Variants in EIF4ENIF1 observed in about 807,000 individuals in gnomAD.
EIF4ENIF1 encodes eukaryotic translation initiation factor 4E transporter.
A neutral mutation model predicts 110.5 loss-of-function variants in EIF4ENIF1; 23 were observed. That is an observed-to-expected ratio of 0.21 (90% CI 0.15 to 0.29). The LOEUF (loss-of-function observed/expected upper bound fraction) is 0.29. EIF4ENIF1 is among the 10% of genes least tolerant of loss of function. The pLI is 1.00. For missense variants in EIF4ENIF1, 1,031 were observed against 1,221.1 expected (o/e 0.84, Z 2.32); for synonymous variants, 440 against 437.0 (o/e 1.01, Z -0.09).
intron 3 of EIF4ENIF1, among the ~76,000 whole-genome samples, chr22:31,470,920 G>A (rs1448665058): frequency 1.3e-5 from 2 of 151,236 alleles, no homozygotes; most frequent in African/African-American, 4.9e-5. Flanking sequence ...GCTGAGGCAG[G>A]AGAATCGCTT....
chr22:31,467,473 T>A (rs1478697024), intron 4 of EIF4ENIF1, among the ~76,000 whole-genome samples: 1 of 152,210 alleles, frequency 6.6e-6, no homozygotes, highest in African/African-American at 2.4e-5. Flanking sequence ...AGACTTAACT[T>A]CAGTCTCAAA....
intron 10 of EIF4ENIF1, 119 bp downstream of exon 10, chr22:31,454,025 A>G: frequency 1.2e-6 from 1 of 847,588 alleles, no homozygotes; most frequent in Middle Eastern, 2.4e-4. Context: ...CAAGGACCAA[A>G]TGACTACTAA....
intron 11 of EIF4ENIF1, 142 bp from the exon 12 acceptor site, chr22:31,449,673 C>T: frequency 1.6e-6 from 1 of 641,230 alleles, no homozygotes; most frequent in Non-Finnish European, 2.6e-6. Flanking sequence ...ACATGCAACA[C>T]ATTTATCTGA....
chr22:31,453,542 TTTTTA>T (rs555432176), intron 10 of EIF4ENIF1: 20 of 201,890 alleles, frequency 9.9e-5, no homozygotes, highest in Admixed American at 2.2e-4. Flanking sequence ...GCCTGGCTAA[TTTTTA>T]TTTTTAGTAG....
chr22:31,440,203 G>T, intron 18 of EIF4ENIF1, 82 bp from the exon 19 acceptor site: 1 of 1,598,520 alleles, frequency 6.3e-7, no homozygotes, highest in Non-Finnish European at 8.5e-7. Flanking sequence ...CCTATCCAAA[G>T]AAAAGTCTTT....
At chr22:31,475,358 A>G (rs2051532788) in intron 2 of EIF4ENIF1, among the ~76,000 whole-genome samples, 1 of 152,200 alleles carries the variant, frequency 6.6e-6, no homozygotes. Flanking sequence ...TACTCCCAGA[A>G]CTTTGGGAGG....
chr22:31,438,814 C>T (rs1289435457), downstream of EIF4ENIF1, among the ~76,000 whole-genome samples: 3 of 152,062 alleles, frequency 2.0e-5, no homozygotes, highest in Non-Finnish European at 4.4e-5. Flanking sequence ...CCTCTGCCTC[C>T]CAGGTTCAGG....
At chr22:31,472,073 G>A (rs1282690142) in intron 2 of EIF4ENIF1, among the ~76,000 whole-genome samples, 156 bp from the exon 3 acceptor site, 5 of 152,130 alleles carry the variant, frequency 3.3e-5, no homozygotes, top group Admixed American at 3.3e-4. Context: ...AGTACATTGA[G>A]GTTCTCACAA....
At chr22:31,456,364 C>T (rs939842953) in intron 7 of EIF4ENIF1, among the ~76,000 whole-genome samples, 5 of 151,810 alleles carry the variant, frequency 3.3e-5, no homozygotes, top group African/African-American at 1.2e-4. Flanking sequence ...GCTGGGACTA[C>T]AGGCGCCTGC....
chr22:31,447,427 T>A lies in EIF4ENIF1; in HGVS notation c.1987A>T (p.Arg663Trp). ...ACATGAGCAGGATTAGTAATTTACC[T>A]GTTTCTGAATCCATCTCTGGTTCTG... The part of the protein sequence containing the change: ...VDRTRDGFRN[R>W]QQRVTKSPAP... Residue 663 changes from arginine (R) to tryptophan (W), a missense_variant and splice_region_variant, in exon 14 of 19, where the codon AGG becomes TGG. Arg to Trp is a moderately radical substitution (Grantham distance 101). Coordinates refer to ENST00000330125, the MANE Select transcript of EIF4ENIF1 (RefSeq NM_019843.4). 6.2e-7 allele frequency: 1 copy of A among 1,609,106 alleles called. No individual in the cohort carries two copies. Among genetic ancestry groups the A allele is most frequent in the Non-Finnish European group, 8.5e-7 (1 of 1,179,016 alleles).
intron 2 of EIF4ENIF1, among the ~76,000 whole-genome samples, chr22:31,481,018 G>A (rs749261446): frequency 4.6e-5 from 7 of 152,160 alleles, no homozygotes; most frequent in Non-Finnish European, 7.3e-5. Flanking sequence ...AGCCAAGATC[G>A]TGCAAGACTC....
Position 31,449,513 on chromosome 22 carries a change from C to A in EIF4ENIF1, c.1603G>T (p.Val535Phe). The A allele has an allele frequency of 1.9e-6, 3 of 1,613,180 alleles. No homozygotes were observed. Among genetic ancestry groups the A allele is most frequent in the Non-Finnish European group, 1.7e-6 (2 of 1,179,752 alleles). Residue 535 changes from valine (V) to phenylalanine (F), a missense_variant, in exon 12 of 19, where the codon GTT becomes TTT. Around this residue, in one of 3 missense-constraint regions of EIF4ENIF1, gnomAD observed 704 missense variants for 879.7 expected, o/e 0.80. Coordinates refer to ENST00000330125, the MANE Select transcript of EIF4ENIF1 (RefSeq NM_019843.4). Reference protein sequence around the residue: ...NILQELLGQPVQRPASSNLLS... With the variant: ...NILQELLGQPFQRPASSNLLS... ...AGATTGGAAGAAGCAGGTCTCTGAA[C>A]TGGTTGACCCAGAAGTTCCTAAAGG...
intron 10 of EIF4ENIF1, among the ~76,000 whole-genome samples, chr22:31,453,895 C>A (rs2050745518): frequency 6.6e-6 from 1 of 152,026 alleles, no homozygotes; most frequent in Non-Finnish European, 1.5e-5. Flanking sequence ...ACAGGCATTA[C>A]CATTAAGACT....
intron 2 of EIF4ENIF1, among the ~76,000 whole-genome samples, chr22:31,487,986 C>T (rs763268328): frequency 3.4e-4 from 51 of 152,128 alleles, no homozygotes; most frequent in Admixed American, 1.0e-3. Flanking sequence ...TCAACCTCTT[C>T]AAAAACATTC....
At chr22:31,460,623 C>G (rs566153338) in intron 6 of EIF4ENIF1, among the ~76,000 whole-genome samples, 294 of 147,150 alleles carry the variant, frequency 2.0e-3, no homozygotes, top group Non-Finnish European at 3.5e-3. Context: ...AGCGAGACTC[C>G]GTCTCAAAAA....
At chr22:31,469,283 C>A (rs2051286456) in intron 3 of EIF4ENIF1, among the ~76,000 whole-genome samples, 1 of 152,174 alleles carries the variant, frequency 6.6e-6, no homozygotes, top group Admixed American at 6.5e-5. Context: ...CCAGATTAGA[C>A]CAGGCCATGC....
Position 31,488,637 on chromosome 22 carries a change from G to A in EIF4ENIF1, c.82C>T (p.His28Tyr), listed in dbSNP as rs1484356631. 1 of 1,613,948 alleles carries A rather than the reference G, an allele frequency of 6.2e-7. No homozygotes were observed. Among genetic ancestry groups the A allele is most frequent in the Non-Finnish European group, 8.5e-7 (1 of 1,179,990 alleles). The change falls in exon 2 of 19, where the codon CAT becomes TAT. Residue 28 changes from histidine to tyrosine, a missense_variant. Physicochemically the swap from His to Tyr is moderately conservative, Grantham distance 83 (BLOSUM62 2). Transcript: ENST00000330125. ...GCAAACCTTACTTTTGTATAGCGAT[G>A]GGGGCATTTGGAGGCAGGAGGCTTC... is the stretch of plus-strand genomic sequence containing the variant. The part of the protein sequence containing the change: ...LKKPPASKCP[H>Y]RYTKEELLDI...
chr22:31,458,926 T>C (rs1244705547), intron 6 of EIF4ENIF1, among the ~76,000 whole-genome samples: 6 of 61,888 alleles, frequency 9.7e-5, no homozygotes, highest in Non-Finnish European at 1.5e-4. Flanking sequence ...GAGGGGGGTC[T>C]TTTTTTTTTT....
chr22:31,442,657 T>G (rs1392183800), intron 16 of EIF4ENIF1, among the ~76,000 whole-genome samples: 1 of 152,230 alleles, frequency 6.6e-6, no homozygotes, highest in Non-Finnish European at 1.5e-5. Context: ...TATATTAATT[T>G]GCCAAATAAG....
Sources: gnomAD v4.1 joint callset for allele counts (sites outside exome capture counted in the v4.1 genomes callset) on GRCh38, gnomAD v4.1.1 for gene constraint, gnomAD v4.1.1 regional missense constraint, MANE v1.5 for transcripts, NCBI Gene and HGNC (gene_info 2026-07-23, HGNC 2026-07-21) for gene names.